The following ABCA5 variants were observed in gnomAD, a reference collection of about 807,000 sequenced individuals.
ABCA5 encodes cholesterol transporter ABCA5.
Under a neutral mutation model 206.0 loss-of-function variants are expected in ABCA5, and 163 were observed. The observed-to-expected ratio is 0.79, with a 90% CI of 0.70 to 0.90. ABCA5 has a LOEUF of 0.90. Ranked by LOEUF, ABCA5 falls within the 40% of genes least tolerant of loss-of-function variation. The pLI, the probability that ABCA5 is intolerant of heterozygous loss-of-function variation, is 0.00. For missense variants in ABCA5, 1,859 were observed against 1,912.9 expected (o/e 0.97, Z 0.53); for synonymous variants, 609 against 613.8 (o/e 0.99, Z 0.11).
Position 69,251,798 on chromosome 17 carries a change from T to A in ABCA5, c.4484A>T (p.Glu1495Val). 1 of 1,614,070 alleles carries A rather than the reference T, an allele frequency of 6.2e-7. No individual in the cohort carries two copies. The highest frequency in any genetic ancestry group is 8.5e-7 in the Non-Finnish European group (1 of 1,179,992). Residue 1495 changes from glutamate (E) to valine (V), a missense_variant, in exon 35 of 39, where the codon GAG (glutamate) becomes GTG (valine). Coordinates refer to ENST00000392676, the MANE Select transcript of ABCA5 (RefSeq NM_172232.4). ...TACTCGATCACAGACAGCCTCTGCC[T>A]CCTCCATATAGTGAGTGGTCAGAAT... is the stretch of plus-strand genomic sequence containing the variant. ...AAILTTHYMEEAEAVCDRVAI... is the reference protein window; with the variant it reads ...AAILTTHYMEVAEAVCDRVAI...
intron 22 of ABCA5, among the ~76,000 whole-genome samples, chr17:69,269,899 GCCTAGGGTT>G (rs1252937968): frequency 6.6e-6 from 1 of 152,120 alleles, no homozygotes; most frequent in African/African-American, 2.4e-5. Flanking sequence ...ATTAGTGGTT[GCCTAGGGTT>G]GGGAGTGGGT....
intron 7 of ABCA5, among the ~76,000 whole-genome samples, chr17:69,303,825 T>C (rs368151793): frequency 0.25 from 1,382 of 5,580 alleles, 478 homozygotes; most frequent in East Asian, 0.87. Flanking sequence ...TATATATATA[T>C]GTATATATAT....
At chr17:69,303,607 A>T (rs527969158) in intron 7 of ABCA5, among the ~76,000 whole-genome samples, 37 of 139,560 alleles carry the variant, frequency 2.7e-4, no homozygotes, top group Middle Eastern at 3.6e-3. Context: ...TTCATAAGAT[A>T]AAAAAAACAG....
At position 69,244,341 on chromosome 17, in the gene ABCA5, A is replaced by G. The variant is rs1048689156; in HGVS notation, c.*3196T>C. ...GTGCCAGGTTTTTGCATCATTTTTA[A>G]TATGAGCTACTCATTATTCAATTAT... On this transcript the variant is annotated 3_prime_UTR_variant, in exon 39 of 39. Transcript: ENST00000392676. 2 of 152,122 alleles carry G rather than the reference A, an allele frequency of 1.3e-5. No individual in the cohort carries two copies. Among genetic ancestry groups the G allele is most frequent in the Non-Finnish European group, 2.9e-5 (2 of 67,966 alleles). The allele number at this position is 152,122 out of a possible 1,614,324, so 9.4% of individuals were successfully genotyped here. A position where few individuals can be genotyped will look rare whatever the true frequency, so the allele number is the denominator to read the frequency against.
At chr17:69,260,145 T>G (rs950154187) in intron 27 of ABCA5, among the ~76,000 whole-genome samples, 193 bp downstream of exon 27, 11 of 151,916 alleles carry the variant, frequency 7.2e-5, no homozygotes, top group Admixed American at 1.3e-4. Flanking sequence ...CTAAGTATAT[T>G]AAAGTGAACA....
Position 69,255,785 on chromosome 17 carries a change from TGAAAGAA to T in ABCA5, c.3917_3923del (p.Leu1306GlnfsTer4). On this transcript the variant is annotated frameshift_variant, in exon 30 of 39. Transcript: ENST00000392676. LOFTEE classifies it high-confidence loss of function. The stretch of plus-strand genomic sequence containing the variant: ...TAGTTGCCACTTTCTTTACTTTTCT[TGAAAGAA>T]GAAAATCTTTCTTGTCATCATATTC... 1.3e-6 allele frequency: 2 copies of T among 1,599,086 alleles called. No individual in the cohort carries two copies. The highest frequency in any genetic ancestry group is 1.7e-6 in the Non-Finnish European group (2 of 1,174,432).
At chr17:69,294,798 C>T (rs955209686) in intron 10 of ABCA5, 85 bp from the exon 11 acceptor site, 4 of 779,492 alleles carry the variant, frequency 5.1e-6, no homozygotes, top group African/African-American at 1.8e-5. Context: ...TTTATCAATG[C>T]TATCACATTT....
rs376881745 is a variant in ABCA5, at chr17:69,251,727, C to G, written c.4535+20G>C. On this transcript the variant is annotated intron_variant, in intron 35 of 38. Transcript: ENST00000392676. ...ACCCCCAACCTCTTCCCCTGAATGGCACGCTATTTAGACATCAACCTTAAC... is the reference window on the plus strand; with the variant it reads ...ACCCCCAACCTCTTCCCCTGAATGGGACGCTATTTAGACATCAACCTTAAC... 65 of 1,602,640 alleles carry G rather than the reference C, an allele frequency of 4.1e-5. No individual in the cohort carries two copies. In the African/African-American group the frequency reaches 7.4e-4, roughly 18 times the overall value.
At chr17:69,299,580 TAAGTA>T (rs2075629764) in intron 9 of ABCA5, among the ~76,000 whole-genome samples, 1 of 151,874 alleles carries the variant, frequency 6.6e-6, no homozygotes, top group Admixed American at 6.6e-5. Flanking sequence ...ACCATTATTC[TAAGTA>T]AAGTAACTCA....
At chr17:69,257,742 G>C (rs1348917180) in intron 28 of ABCA5, among the ~76,000 whole-genome samples, 1 of 151,532 alleles carries the variant, frequency 6.6e-6, no homozygotes, top group South Asian at 2.1e-4. Flanking sequence ...ACACTATTGA[G>C]ATCTAGAAAG....
intron 37 of ABCA5, chr17:69,248,886 C>A (rs1320600481): frequency 6.6e-6 from 1 of 152,094 alleles, no homozygotes; most frequent in Non-Finnish European, 1.5e-5. Context: ...CCACTATACC[C>A]GGGTAATTTT....
At chr17:69,262,835 T>C (rs911847715) in intron 24 of ABCA5, among the ~76,000 whole-genome samples, 1 of 152,294 alleles carries the variant, frequency 6.6e-6, no homozygotes, top group South Asian at 2.1e-4. Flanking sequence ...GAAGTTTACA[T>C]TCCCACCAAG....
At chr17:69,299,682 AT>A (rs1295800369) in intron 9 of ABCA5, among the ~76,000 whole-genome samples, 2 of 151,814 alleles carry the variant, frequency 1.3e-5, no homozygotes, top group African/African-American at 4.8e-5. Context: ...GATACAATGG[AT>A]TATGGGGGCT....
chr17:69,291,885 G>C (rs1324862863), intron 11 of ABCA5, among the ~76,000 whole-genome samples: 1 of 152,098 alleles, frequency 6.6e-6, no homozygotes, highest in Non-Finnish European at 1.5e-5. Context: ...GGCTGAGGTG[G>C]GAGGATCACT....
intron 7 of ABCA5, 44 bp from the exon 8 acceptor site, chr17:69,302,950 C>A: frequency 2.8e-6 from 3 of 1,060,446 alleles, no homozygotes; most frequent in South Asian, 3.0e-5. Flanking sequence ...TTCATATATA[C>A]CAGTATGAAA....
chr17:69,257,868 G>GGAT (rs2075101421), intron 28 of ABCA5, among the ~76,000 whole-genome samples: 1 of 152,112 alleles, frequency 6.6e-6, no homozygotes, highest in African/African-American at 2.4e-5. Context: ...TTGGGTAATA[G>GGAT]GATGGACTGC....
At chr17:69,287,980 A>C (rs2075478536) in intron 14 of ABCA5, among the ~76,000 whole-genome samples, 1 of 152,214 alleles carries the variant, frequency 6.6e-6, no homozygotes, top group African/African-American at 2.4e-5. Flanking sequence ...TGTAATACAC[A>C]AGACAAAAGT....
intron 20 of ABCA5, among the ~76,000 whole-genome samples, chr17:69,272,595 A>C (rs1409666305): frequency 6.6e-6 from 1 of 152,182 alleles, no homozygotes; most frequent in African/African-American, 2.4e-5. Context: ...TGTAAGGATT[A>C]TATATTAGCA....
In ABCA5 at chr17:69,247,476, C is replaced by G. The variant is rs1438428436; in HGVS notation, c.*61G>C. 1.0e-5 allele frequency: 13 copies of G among 1,256,146 alleles called. No homozygotes were observed. The African/African-American group carries it at 2.0e-4, about 20-fold the overall frequency. 77.8% of individuals were successfully genotyped at this position (1,256,146 alleles called of 1,614,324 possible). ...CCATTCCAATAAAAAACTTTTTAAA[C>G]CAAAGTTAAAATTAAGTGAAAAAGA... On this transcript the variant is annotated 3_prime_UTR_variant, in exon 39 of 39. Transcript: ENST00000392676.
Sources: gnomAD v4.1 joint callset for allele counts (sites outside exome capture counted in the v4.1 genomes callset) on GRCh38, gnomAD v4.1.1 for gene constraint, MANE v1.5 for transcripts, NCBI Gene and HGNC (gene_info 2026-07-23, HGNC 2026-07-21) for gene names.